Variants in DSG3 observed in about 807,000 individuals in gnomAD.
The protein encoded by DSG3 is desmoglein 3.
In DSG3, 63 loss-of-function variants were observed where a neutral mutation model predicts 85.9. The observed-to-expected ratio is 0.73, with a 90% CI of 0.60 to 0.90. The LOEUF (loss-of-function observed/expected upper bound fraction) is 0.90, where lower values mean the gene tolerates loss of function less well. DSG3 is among the 40% of genes least tolerant of loss of function. The pLI is 0.00. For missense variants in DSG3, 1,220 were observed against 1,219.9 expected (o/e 1.00, Z 0.00); for synonymous variants, 447 against 441.9 (o/e 1.01, Z -0.14).
chr18:31,452,250 G>A lies in DSG3; in HGVS notation c.49-4190G>A, dbSNP rs145397944. ...AAATGGCTCTTTTAGGCTGGGTGTG[G>A]TGGCTCATGCCTGTAATCCCAGCAC... On this transcript the variant is annotated intron_variant, in intron 1 of 15. Coordinates refer to ENST00000257189, the MANE Select transcript of DSG3 (RefSeq NM_001944.3). Among the ~76,000 whole-genome samples the A allele has an allele frequency of 6.7e-3, 1,025 of 152,246 alleles. 8 individuals are homozygous for A. Among genetic ancestry groups the A allele is most frequent in the African/African-American group, 0.022 (921 of 41,554 alleles).
intron 5 of DSG3, among the ~76,000 whole-genome samples, chr18:31,459,508 T>C (rs1469291303): frequency 6.6e-6 from 1 of 152,120 alleles, no homozygotes; most frequent in Non-Finnish European, 1.5e-5. Flanking sequence ...TTTCAGGTTA[T>C]AAAGGACAGA....
In DSG3 at chr18:31,476,926, T is replaced by C. The variant is rs1455471920; in HGVS notation, c.*666T>C. ...GTGAGCCGAGATTGCGCCACTGCAG[T>C]CCGCAGTCCGGCCTGGGCGACAGAG... On this transcript the variant is annotated 3_prime_UTR_variant, in exon 16 of 16. Coordinates refer to ENST00000257189, the MANE Select transcript of DSG3 (RefSeq NM_001944.3). The C allele has an allele frequency of 7.1e-6, 1 of 141,244 alleles. No individual in the cohort carries two copies. Among genetic ancestry groups the C allele is most frequent in the African/African-American group, 2.7e-5 (1 of 37,232 alleles). 8.7% of individuals were successfully genotyped at this position (141,244 alleles called of 1,614,324 possible). A position where few individuals can be genotyped will look rare whatever the true frequency, so the allele number is the denominator to read the frequency against.
intron 11 of DSG3, 25 bp downstream of exon 11, chr18:31,466,779 A>G (rs746703968): frequency 3.8e-6 from 6 of 1,586,892 alleles, no homozygotes; most frequent in South Asian, 1.1e-5. Context: ...AGTTGCTTCT[A>G]TAAATGCAAA....
intron 12 of DSG3, among the ~76,000 whole-genome samples, 158 bp downstream of exon 12, chr18:31,469,507 G>A (rs1165528139): frequency 1.3e-5 from 2 of 152,220 alleles, no homozygotes; most frequent in African/African-American, 4.8e-5. Flanking sequence ...AATCTGAAAT[G>A]TGTAACATGT....
Position 31,459,020 on chromosome 18 carries a change from C to A in DSG3, c.373-13C>A. ...TTGCAGAGTAATACTCCACATTTTC[C>A]CTCTGTTCCTAGATCACATGTCGGG... On this transcript the variant is annotated splice_polypyrimidine_tract_variant and intron_variant, in intron 4 of 15. Transcript: ENST00000257189. The A allele has an allele frequency of 6.2e-7, 1 of 1,611,926 alleles. No homozygotes were observed. Among genetic ancestry groups the A allele is most frequent in the Non-Finnish European group, 8.5e-7 (1 of 1,179,480 alleles).
intron 11 of DSG3, among the ~76,000 whole-genome samples, chr18:31,466,967 C>T (rs762602215): frequency 2.6e-5 from 4 of 152,148 alleles, no homozygotes; most frequent in Non-Finnish European, 2.9e-5. Flanking sequence ...TATTTTGAAT[C>T]CTTTTTAGGG....
Position 31,458,445 on chromosome 18 carries a change from A to T in DSG3, c.217A>T (p.Ile73Phe). ...ACGTTTTTGGTATTTGGGGCTGTAG[A>T]TTACTTCAGATTACCAAGCAACCCA... ...DNSKRNPIAKITSDYQATQKI... is the reference protein window; with the variant it reads ...DNSKRNPIAKFTSDYQATQKI... Residue 73 changes from isoleucine (I) to phenylalanine (F), a missense_variant and splice_region_variant, in exon 4 of 16, where the codon ATT (isoleucine) becomes TTT (phenylalanine). Ile to Phe is a conservative substitution (Grantham distance 21). Coordinates refer to ENST00000257189, the MANE Select transcript of DSG3 (RefSeq NM_001944.3). 6.2e-7 allele frequency: 1 copy of T among 1,613,674 alleles called. No individual in the cohort carries two copies. The highest frequency in any genetic ancestry group is 1.7e-5 in the Admixed American group (1 of 59,964).
At chr18:31,467,943 G>A (rs533893729) in intron 11 of DSG3, among the ~76,000 whole-genome samples, 49 of 152,310 alleles carry the variant, frequency 3.2e-4, no homozygotes, top group African/African-American at 1.2e-3. Context: ...TACTGGATAC[G>A]TGGCCAATGA....
At chr18:31,453,817 G>A (rs979766549) in intron 1 of DSG3, among the ~76,000 whole-genome samples, 81 of 152,000 alleles carry the variant, frequency 5.3e-4, no homozygotes, top group African/African-American at 1.8e-3. Context: ...CATTCAAATC[G>A]TCAGAAAACT....
intron 1 of DSG3, among the ~76,000 whole-genome samples, chr18:31,449,239 G>T (rs2072696815): frequency 6.6e-6 from 1 of 152,154 alleles, no homozygotes; most frequent in African/African-American, 2.4e-5. Context: ...ACTGTGTTCA[G>T]TACCTGATTT....
Position 31,456,868 on chromosome 18 carries a change from T to G in DSG3, c.85-125T>G. The G allele has an allele frequency of 9.1e-6, 8 of 883,682 alleles. No homozygotes were observed. The South Asian group carries it at 1.4e-4, about 16-fold the overall frequency. 54.7% of individuals were successfully genotyped at this position (883,682 alleles called of 1,614,324 possible). A position where few individuals can be genotyped will look rare whatever the true frequency, so the allele number is the denominator to read the frequency against. ...TGACAAAGTATCAGGTAGAGCTAATTAGATACCTAACAGTCTTAGTGATCT... is the reference window on the plus strand; with the variant it reads ...TGACAAAGTATCAGGTAGAGCTAATGAGATACCTAACAGTCTTAGTGATCT... On this transcript the variant is annotated intron_variant, in intron 2 of 15. Transcript: ENST00000257189.
At chr18:31,467,901 C>T (rs1303897850) in intron 11 of DSG3, among the ~76,000 whole-genome samples, 3 of 152,192 alleles carry the variant, frequency 2.0e-5, no homozygotes, top group Non-Finnish European at 2.9e-5. Context: ...TATCTCCAAA[C>T]TGTGCATGTA....
At chr18:31,472,476 GA>G in intron 13 of DSG3, 53 bp downstream of exon 13, 8 of 1,567,896 alleles carry the variant, frequency 5.1e-6, no homozygotes, top group Non-Finnish European at 6.9e-6. Context: ...GAAAATGTTT[GA>G]TTTACATTGA....
intron 5 of DSG3, 40 bp downstream of exon 5, chr18:31,459,217 C>T (rs925697344): frequency 6.4e-7 from 1 of 1,562,614 alleles, no homozygotes; most frequent in Non-Finnish European, 8.7e-7. Flanking sequence ...AGTTTATCTA[C>T]TTTCAAATAT....
chr18:31,450,573 G>A (rs1406597930), intron 1 of DSG3, among the ~76,000 whole-genome samples: 1 of 152,150 alleles, frequency 6.6e-6, no homozygotes, highest in African/African-American at 2.4e-5. Context: ...GTTGGCAGAT[G>A]TGTTTGAAGG....
chr18:31,460,554 C>T (rs898278383), intron 6 of DSG3, among the ~76,000 whole-genome samples: 1 of 152,130 alleles, frequency 6.6e-6, no homozygotes, highest in Non-Finnish European at 1.5e-5. Flanking sequence ...TCCCAATAGA[C>T]TAACAGAGAA....
rs953924153 is a variant in DSG3 at position 31,464,433 on chromosome 18, A to G, written c.1271+51A>G. The G allele has an allele frequency of 4.6e-6, 7 of 1,525,916 alleles. No homozygotes were observed. In the Admixed American group the frequency reaches 1.2e-4, roughly 25 times the overall value. The allele number at this position is 1,525,916 out of a possible 1,614,324, so 94.5% of individuals were successfully genotyped here. On this transcript the variant is annotated intron_variant, in intron 9 of 15. Coordinates refer to ENST00000257189, the MANE Select transcript of DSG3 (RefSeq NM_001944.3). ...ATTTCTTGATGAGGTTTTAATCTAT[A>G]AGCTATCACAACATAACACATAAAC... is the stretch of plus-strand genomic sequence containing the variant.
At chr18:31,453,730 C>T (rs985965226) in intron 1 of DSG3, among the ~76,000 whole-genome samples, 1 of 151,872 alleles carries the variant, frequency 6.6e-6, no homozygotes, top group Non-Finnish European at 1.5e-5. Flanking sequence ...AAGAAAAGTA[C>T]AGTAATTCTC....
chr18:31,475,501 A>C, intron 15 of DSG3, 145 bp from the exon 16 acceptor site: 2 of 1,021,004 alleles, frequency 2.0e-6, no homozygotes, highest in Non-Finnish European at 2.8e-6. Context: ...TGTTTTGAAC[A>C]AGATTGTTAA....
Sources: gnomAD v4.1 joint callset for allele counts (sites outside exome capture counted in the v4.1 genomes callset) on GRCh38, gnomAD v4.1.1 for gene constraint, MANE v1.5 for transcripts, NCBI Gene and HGNC (gene_info 2026-07-23, HGNC 2026-07-21) for gene names.